Variants in ELP4 observed in about 807,000 individuals in gnomAD.
ELP4 encodes the protein elongator complex protein 4.
A neutral mutation model predicts 48.9 loss-of-function variants in ELP4; 51 were observed. The observed-to-expected ratio is 1.04, with a 90% CI of 0.83 to 1.32. The LOEUF is 1.32. Among genes scored for constraint, ELP4 ranks in the 40% most tolerant of loss-of-function variants. ELP4 has a pLI of 0.00. For synonymous variants in ELP4, 210 were observed against 189.2 expected (o/e 1.11, Z -0.90); for missense variants, 519 against 514.6 (o/e 1.01, Z -0.08).
At chr11:31,591,161 C>A (rs2040375246) in intron 3 of ELP4, among the ~76,000 whole-genome samples, 2 of 152,096 alleles carry the variant, frequency 1.3e-5, no homozygotes, top group Admixed American at 6.6e-5. Context: ...AATCCCAGCA[C>A]TTTAGGAGAC....
intron 9 of ELP4, among the ~76,000 whole-genome samples, chr11:31,684,790 A>G (rs1946128632): frequency 6.6e-6 from 1 of 152,200 alleles, no homozygotes; most frequent in African/African-American, 2.4e-5. Flanking sequence ...GTAAACAAAA[A>G]TCAATTCCAG....
At chr11:31,546,767 G>T (rs891652583) in intron 3 of ELP4, among the ~76,000 whole-genome samples, 22 of 151,992 alleles carry the variant, frequency 1.4e-4, no homozygotes, top group African/African-American at 4.1e-4. Context: ...TAAAAGAACA[G>T]AAATTATAAC....
intron 3 of ELP4, among the ~76,000 whole-genome samples, chr11:31,574,973 G>A (rs923924341): frequency 4.0e-5 from 6 of 151,844 alleles, no homozygotes; most frequent in Admixed American, 6.6e-5. Flanking sequence ...TCAGACAATC[G>A]GTAATAATAA....
At chr11:31,695,390 G>A (rs952106462) in intron 9 of ELP4, among the ~76,000 whole-genome samples, 1 of 152,040 alleles carries the variant, frequency 6.6e-6, no homozygotes, top group Non-Finnish European at 1.5e-5. Context: ...TTTTTCGGAG[G>A]CCTTTTCTGC....
At chr11:31,569,586 G>T (rs561065429) in intron 3 of ELP4, among the ~76,000 whole-genome samples, 1 of 152,062 alleles carries the variant, frequency 6.6e-6, no homozygotes, top group South Asian at 2.1e-4. Context: ...AATCAGCTGG[G>T]CATGTTGGTG....
chr11:31,665,355 T>C (rs148397839), intron 9 of ELP4, among the ~76,000 whole-genome samples: 54 of 152,084 alleles, frequency 3.6e-4, no homozygotes, highest in African/African-American at 1.1e-3. Flanking sequence ...TCCCTCTCGC[T>C]CTCTCTCTCT....
intron 2 of ELP4, among the ~76,000 whole-genome samples, chr11:31,531,687 G>C (rs1956398910): frequency 6.6e-6 from 1 of 152,218 alleles, no homozygotes. Flanking sequence ...CATTTAAAGA[G>C]GCTTATATGG....
At chr11:31,621,919 A>AGT (rs1944630987) in intron 5 of ELP4, among the ~76,000 whole-genome samples, 1 of 151,860 alleles carries the variant, frequency 6.6e-6, no homozygotes. Flanking sequence ...TTGAGTTTTA[A>AGT]GTGCCGTTTG....
chr11:31,741,955 A>T (rs187704100), intron 9 of ELP4, among the ~76,000 whole-genome samples: 5 of 152,182 alleles, frequency 3.3e-5, no homozygotes, highest in Admixed American at 1.3e-4. Context: ...TCCGAGCTAC[A>T]GGAGGAAATT....
intron 4 of ELP4, among the ~76,000 whole-genome samples, chr11:31,596,036 C>T (rs1457042056): frequency 6.6e-6 from 1 of 152,136 alleles, no homozygotes; most frequent in Non-Finnish European, 1.5e-5. Flanking sequence ...TCAAATGTTA[C>T]TACCTCTTAT....
At chr11:31,763,493 C>G in intron 9 of ELP4, 1 of 1,611,190 alleles carries the variant, frequency 6.2e-7, no homozygotes, top group Non-Finnish European at 8.5e-7. Flanking sequence ...AAAGACTCTG[C>G]ATGGGGAGAA....
chr11:31,724,126 G>T (rs770118693), intron 9 of ELP4, among the ~76,000 whole-genome samples: 15 of 152,118 alleles, frequency 9.9e-5, no homozygotes, highest in African/African-American at 3.6e-4. Context: ...ACAGAACTGG[G>T]TTTCCCATCA....
intron 9 of ELP4, chr11:31,654,980 T>A (rs1222565009): frequency 3.5e-5 from 3 of 86,472 alleles, no homozygotes; most frequent in African/African-American, 8.4e-5. Flanking sequence ...TCAACTAGCT[T>A]TTATTCCTAG....
intron 7 of ELP4, among the ~76,000 whole-genome samples, chr11:31,638,141 C>G (rs1945019170): frequency 6.6e-6 from 1 of 151,710 alleles, no homozygotes; most frequent in South Asian, 2.1e-4. Context: ...AATCTTTATT[C>G]AAGCTGTCAT....
intron 9 of ELP4, among the ~76,000 whole-genome samples, chr11:31,762,489 C>T (rs531631232): frequency 1.1e-4 from 16 of 151,936 alleles, no homozygotes; most frequent in Non-Finnish European, 1.2e-4. Flanking sequence ...TTCAAAAATA[C>T]TTATTAAAAT....
intron 9 of ELP4, among the ~76,000 whole-genome samples, chr11:31,765,225 A>AT (rs1948018664): frequency 6.6e-6 from 1 of 152,316 alleles, no homozygotes; most frequent in East Asian, 1.9e-4. Flanking sequence ...TTATTCTAAA[A>AT]TTTAACTGTT....
intron 9 of ELP4, among the ~76,000 whole-genome samples, chr11:31,694,259 T>G (rs368809406): frequency 2.0e-5 from 3 of 152,164 alleles, no homozygotes; most frequent in African/African-American, 7.2e-5. Flanking sequence ...CTGAATGGTA[T>G]TGCCTAGGTT....
At chr11:31,759,622 C>T (rs1947902812) in intron 9 of ELP4, among the ~76,000 whole-genome samples, 1 of 152,194 alleles carries the variant, frequency 6.6e-6, no homozygotes, top group Non-Finnish European at 1.5e-5. Flanking sequence ...TTTATTAAGG[C>T]TTATTTTCAC....
At chr11:31,550,695 A>G (rs1956833903) in intron 3 of ELP4, among the ~76,000 whole-genome samples, 1 of 152,212 alleles carries the variant, frequency 6.6e-6, no homozygotes, top group Admixed American at 6.5e-5. Context: ...TACCCTTGTT[A>G]GATGAGAGGC....
Sources: gnomAD v4.1 joint callset for allele counts (sites outside exome capture counted in the v4.1 genomes callset) on GRCh38, gnomAD v4.1.1 for gene constraint, MANE v1.5 for transcripts, NCBI Gene and HGNC (gene_info 2026-07-23, HGNC 2026-07-21) for gene names.